The following SPATS2L variants were observed in gnomAD, a reference collection of about 807,000 sequenced individuals.
SPATS2L encodes spermatogenesis associated serine rich 2 like.
A neutral mutation model predicts 59.6 loss-of-function variants in SPATS2L; 30 were observed. That is an observed-to-expected ratio of 0.50 (90% CI 0.38 to 0.68). The LOEUF (loss-of-function observed/expected upper bound fraction) is 0.68. SPATS2L is among the 30% of genes least tolerant of loss of function. The pLI is 0.00. For synonymous variants in SPATS2L, 252 were observed against 263.5 expected (o/e 0.96, Z 0.42); for missense variants, 615 against 700.0 (o/e 0.88, Z 1.37).
intron 3 of SPATS2L, among the ~76,000 whole-genome samples, chr2:200,395,919 G>A (rs2082314166): frequency 6.8e-6 from 1 of 147,150 alleles, no homozygotes; most frequent in Non-Finnish European, 1.5e-5. Context: ...GCTGAGGCAG[G>A]AGAATCTCTT....
intron 4 of SPATS2L, among the ~76,000 whole-genome samples, chr2:200,413,083 T>C (rs1235241231): frequency 3.3e-5 from 5 of 152,146 alleles, no homozygotes; most frequent in Admixed American, 3.3e-4. Flanking sequence ...ATGTGTCCTT[T>C]ATTTGATACC....
chr2:200,400,786 T>C (rs2082501168), intron 3 of SPATS2L, among the ~76,000 whole-genome samples: 1 of 152,212 alleles, frequency 6.6e-6, no homozygotes, highest in South Asian at 2.1e-4. Flanking sequence ...TCAATTTTCA[T>C]TTAGTATTAT....
At chr2:200,436,128 A>T (rs181742175) in intron 6 of SPATS2L, among the ~76,000 whole-genome samples, 1 of 152,110 alleles carries the variant, frequency 6.6e-6, no homozygotes, top group Non-Finnish European at 1.5e-5. Flanking sequence ...CCATTGAGCT[A>T]CAACCTGTTG....
At chr2:200,469,042 G>A (rs1023887315) in intron 10 of SPATS2L, among the ~76,000 whole-genome samples, 2 of 152,124 alleles carry the variant, frequency 1.3e-5, no homozygotes, top group African/African-American at 2.4e-5. Context: ...TCTTAGACTC[G>A]TAGAACCCCA....
chr2:200,315,856 C>CAAAAAAAAAA (rs374718905), intron 1 of SPATS2L, among the ~76,000 whole-genome samples: 3 of 90,930 alleles, frequency 3.3e-5, no homozygotes, highest in Admixed American at 1.2e-4. Flanking sequence ...ACCAAAAATC[C>CAAAAAAAAAA]AAAAAAAAAA....
intron 1 of SPATS2L, among the ~76,000 whole-genome samples, chr2:200,326,837 C>T (rs987422836): frequency 1.3e-5 from 2 of 151,252 alleles, no homozygotes; most frequent in Admixed American, 6.6e-5. Context: ...CCAGTTCAAG[C>T]GATTCTCCTG....
intron 6 of SPATS2L, among the ~76,000 whole-genome samples, chr2:200,433,705 A>G (rs756738920): frequency 5.9e-5 from 9 of 152,142 alleles, no homozygotes; most frequent in Non-Finnish European, 8.8e-5. Flanking sequence ...CTTTATGCCA[A>G]TAAATCCAAC....
intron 8 of SPATS2L, among the ~76,000 whole-genome samples, chr2:200,451,395 C>T (rs1388371573): frequency 6.6e-6 from 1 of 152,114 alleles, no homozygotes; most frequent in African/African-American, 2.4e-5. Flanking sequence ...AAGCACATCC[C>T]TCTCAAATCA....
chr2:200,433,554 C>T (rs546547023), intron 6 of SPATS2L, among the ~76,000 whole-genome samples: 61 of 151,950 alleles, frequency 4.0e-4, no homozygotes, highest in African/African-American at 1.4e-3. Context: ...AATCCATTAG[C>T]CAAAAAGAAA....
At chr2:200,351,773 T>A (rs1296403652) in intron 2 of SPATS2L, among the ~76,000 whole-genome samples, 1 of 152,166 alleles carries the variant, frequency 6.6e-6, no homozygotes, top group East Asian at 1.9e-4. Context: ...TGATGTAGTC[T>A]TTGGTATAAG....
intron 8 of SPATS2L, among the ~76,000 whole-genome samples, chr2:200,451,235 C>G (rs983363168): frequency 1.9e-4 from 28 of 151,306 alleles, no homozygotes; most frequent in African/African-American, 6.8e-4. Context: ...GTGGAAGGAT[C>G]GCCTGAGCCC....
At chr2:200,430,927 A>G (rs1400987639) in intron 6 of SPATS2L, among the ~76,000 whole-genome samples, 1 of 152,128 alleles carries the variant, frequency 6.6e-6, no homozygotes, top group East Asian at 1.9e-4. Flanking sequence ...CATTTTGGCC[A>G]GGCTGGTCTG....
intron 3 of SPATS2L, among the ~76,000 whole-genome samples, chr2:200,397,554 T>C (rs1029744513): frequency 2.0e-5 from 3 of 152,044 alleles, no homozygotes; most frequent in African/African-American, 7.2e-5. Flanking sequence ...AAAACCACAT[T>C]TTCTCTGTAA....
chr2:200,317,092 A>T (rs2079406083), intron 1 of SPATS2L, among the ~76,000 whole-genome samples: 1 of 152,214 alleles, frequency 6.6e-6, no homozygotes, highest in Non-Finnish European at 1.5e-5. Context: ...GTGGTTTCAG[A>T]ATCCATACTG....
At chr2:200,448,224 T>C (rs1351629311) in intron 8 of SPATS2L, among the ~76,000 whole-genome samples, 5 of 152,110 alleles carry the variant, frequency 3.3e-5, no homozygotes, top group Admixed American at 2.6e-4. Flanking sequence ...GGTAGATCAC[T>C]TGAGGTCAGG....
intron 2 of SPATS2L, among the ~76,000 whole-genome samples, chr2:200,362,872 A>G (rs1459485308): frequency 1.3e-5 from 2 of 152,198 alleles, no homozygotes; most frequent in Non-Finnish European, 1.5e-5. Flanking sequence ...CTCCATTTCA[A>G]TGATGAGATA....
chr2:200,389,689 G>GTAT (rs1377774624), intron 3 of SPATS2L: 1 of 160,714 alleles, frequency 6.2e-6, no homozygotes, highest in African/African-American at 2.4e-5. Flanking sequence ...AAGAGCAAGG[G>GTAT]TATTATATTA....
chr2:200,409,624 A>C (rs529907915), intron 3 of SPATS2L, among the ~76,000 whole-genome samples: 1 of 152,382 alleles, frequency 6.6e-6, no homozygotes, highest in African/African-American at 2.4e-5. Flanking sequence ...ACTAGAATTC[A>C]ACATTACTAT....
chr2:200,440,808 A>G, intron 8 of SPATS2L, 24 bp downstream of exon 8: 1 of 1,610,240 alleles, frequency 6.2e-7, no homozygotes, highest in Non-Finnish European at 8.5e-7. Flanking sequence ...CGTAGGAACC[A>G]TAAATTTGTG....
Sources: allele counts gnomAD v4.1 joint callset (sites outside exome capture counted in the v4.1 genomes callset), GRCh38; gene constraint gnomAD v4.1.1; transcripts MANE v1.5; gene names NCBI Gene and HGNC (gene_info 2026-07-23, HGNC 2026-07-21).